Variants in DGKA observed in about 807,000 individuals in gnomAD.
DGKA encodes the protein 80 kDa diacylglycerol kinase.
DGKA carries 35 observed loss-of-function variants against 105.0 expected under a neutral mutation model. The observed-to-expected ratio is 0.33, with a 90% confidence interval of 0.25 to 0.44. The LOEUF is 0.44. Among genes scored for constraint, DGKA ranks in the 20% least tolerant of loss-of-function variants. DGKA has a pLI of 1.00. For missense variants in DGKA, 665 were observed against 915.0 expected (o/e 0.73, Z 3.53); for synonymous variants, 296 against 332.0 (o/e 0.89, Z 1.18).
At chr12:55,947,893 G>A (rs1292617466) in intron 17 of DGKA, among the ~76,000 whole-genome samples, 3 of 151,988 alleles carry the variant, frequency 2.0e-5, no homozygotes, top group African/African-American at 4.8e-5. Context: ...GGGTTCAAGC[G>A]ATTCTCGTGC....
Position 55,936,548 on chromosome 12 carries a change from G to A in DGKA, c.45G>A (p.Gln15=). ...RGLISPSDFA[Q]LQKYMEYSTK... ...TAATAAGCCCCAGTGATTTTGCCCA[G>A]CTGCAAAAATACATGGAATGTGAGT... Residue 15 remains glutamine (Q), a synonymous_variant, in exon 2 of 24, where the codon CAG becomes CAA. Transcript: ENST00000331886. 1.2e-6 allele frequency: 2 copies of A among 1,614,146 alleles called. No individual in the cohort carries two copies. Among genetic ancestry groups the A allele is most frequent in the Non-Finnish European group, 1.7e-6 (2 of 1,180,020 alleles).
At position 55,940,331 on chromosome 12, in the gene DGKA, G is replaced by C; in HGVS notation, c.816G>C (p.Trp272Cys). 1 of 1,614,228 alleles carries C rather than the reference G, an allele frequency of 6.2e-7. No individual in the cohort carries two copies. The highest frequency in any genetic ancestry group is 8.5e-7 in the Non-Finnish European group (1 of 1,180,036). The change falls in exon 11 of 24, where the codon TGG (tryptophan) becomes TGC (cysteine). Residue 272 changes from tryptophan (W) to cysteine (C), a missense_variant. Physicochemically the swap from Trp to Cys is radical, Grantham distance 215. Around this residue, in one of 3 missense-constraint regions of DGKA, gnomAD observed 504 missense variants for 681.2 expected, o/e 0.74. Transcript: ENST00000331886. The surrounding 1 kb of genome is among the most constrained non-coding windows in gnomAD (Gnocchi z 4.3). ...RKDIGVQSHV[W>C]VRGGCESGRC... Reference sequence around the variant, plus strand: ...TCCCCAAGGTCCAATCACATGTGTGGGTGCGAGGAGGCTGTGAGTCCGGGC... The same window carrying C: ...TCCCCAAGGTCCAATCACATGTGTGCGTGCGAGGAGGCTGTGAGTCCGGGC...
chr12:55,939,092 A>G, intron 7 of DGKA, 94 bp from the exon 8 acceptor site: 6 of 1,606,408 alleles, frequency 3.7e-6, no homozygotes, highest in Non-Finnish European at 5.1e-6. Context: ...TCCCTTGGCT[A>G]GGATGGCTGG....
At chr12:55,953,453 C>T (rs1888570782) in intron 23 of DGKA, 43 bp downstream of exon 23, 1 of 1,592,740 alleles carries the variant, frequency 6.3e-7, no homozygotes, top group Non-Finnish European at 8.6e-7. Flanking sequence ...CCCTTGGGCT[C>T]CATGGATCCT....
chr12:55,951,446 G>T (rs1354867748), intron 17 of DGKA, among the ~76,000 whole-genome samples, 177 bp from the exon 18 acceptor site: 1 of 152,132 alleles, frequency 6.6e-6, no homozygotes, highest in Non-Finnish European at 1.5e-5. Flanking sequence ...CCTCCACACA[G>T]CATGGAGGAA....
At chr12:55,949,861 A>G (rs190252563) in intron 17 of DGKA, among the ~76,000 whole-genome samples, 190 of 152,004 alleles carry the variant, frequency 1.2e-3, no homozygotes, top group Non-Finnish European at 2.0e-3. Context: ...TCTGCTGCTC[A>G]TGCTGGAGTA....
Position 55,953,994 on chromosome 12 carries a change from G to C in DGKA, c.*226G>C, listed in dbSNP as rs1332718812. On this transcript the variant is annotated 3_prime_UTR_variant, in exon 24 of 24. Transcript: ENST00000331886. Reference sequence around the variant, plus strand: ...TGAAAGTGCCTCATCTGAATAAAATGACTTGTGTTTCCCCTTTGGGATCTG... The same window carrying C: ...TGAAAGTGCCTCATCTGAATAAAATCACTTGTGTTTCCCCTTTGGGATCTG... The C allele has an allele frequency of 1.6e-6, 1 of 639,958 alleles. No individual in the cohort carries two copies. Among genetic ancestry groups the C allele is most frequent in the African/African-American group, 1.8e-5 (1 of 54,710 alleles). The allele number at this position is 639,958 out of a possible 1,614,324, so 39.6% of individuals were successfully genotyped here. A position where few individuals can be genotyped will look rare whatever the true frequency, so the allele number is the denominator to read the frequency against.
intron 5 of DGKA, 45 bp downstream of exon 5, chr12:55,938,097 A>G (rs1382595543): frequency 2.6e-6 from 4 of 1,541,182 alleles, no homozygotes; most frequent in Non-Finnish European, 3.6e-6. Context: ...GTGAAGGGAG[A>G]GAGAGGTGTT....
Position 55,940,781 on chromosome 12 carries a change from C to T in DGKA, c.1017+59C>T. 3 of 1,593,874 alleles carry T rather than the reference C, an allele frequency of 1.9e-6. No homozygotes were observed. Among genetic ancestry groups the T allele is most frequent in the Non-Finnish European group, 2.6e-6 (3 of 1,161,668 alleles). ...GAGTGCCTCCCCGATTTCCCACACG[C>T]ACAGAGTGGCATTTAGAATAGAGAG... On this transcript the variant is annotated intron_variant, in intron 12 of 23. Coordinates refer to ENST00000331886, the MANE Select transcript of DGKA (RefSeq NM_001345.5). The surrounding 1 kb of genome is among the most constrained non-coding windows in gnomAD (Gnocchi z 4.3).
At chr12:55,939,767 C>T (rs989334799) in intron 9 of DGKA, 3 of 594,316 alleles carry the variant, frequency 5.0e-6, no homozygotes, top group Non-Finnish European at 9.0e-6. Flanking sequence ...GGTGCATGCA[C>T]ATACTATAAA....
In DGKA at chr12:55,939,219, G is replaced by A; in HGVS notation, c.508G>A (p.Asp170Asn). 6.2e-7 allele frequency: 1 copy of A among 1,614,212 alleles called. No individual in the cohort carries two copies. Among genetic ancestry groups the A allele is most frequent in the Non-Finnish European group, 8.5e-7 (1 of 1,180,050 alleles). ...LQEMMKEIDYDGSGSVSQAEW... is the reference protein window; with the variant it reads ...LQEMMKEIDYNGSGSVSQAEW... ...GGAGATGATGAAAGAGATTGACTAT[G>A]ATGGCAGTGGCTCTGTCTCTCAAGC... Residue 170 changes from aspartate to asparagine, a missense_variant, in exon 8 of 24, where the codon GAT (aspartate) becomes AAT (asparagine). Physicochemically the swap from Asp to Asn is conservative, Grantham distance 23. Around this residue, in one of 3 missense-constraint regions of DGKA, gnomAD observed 504 missense variants for 681.2 expected, o/e 0.74. Coordinates refer to ENST00000331886, the MANE Select transcript of DGKA (RefSeq NM_001345.5).
chr12:55,941,048 A>T, intron 13 of DGKA, 68 bp downstream of exon 13: 1 of 1,537,410 alleles, frequency 6.5e-7, no homozygotes, highest in Non-Finnish European at 8.9e-7. Flanking sequence ...CATGGGTGGG[A>T]ATGAAGTGGG....
rs1888316195 is a variant in DGKA at position 55,952,265 on chromosome 12, C to T, written c.1653-76C>T. 6.5e-7 allele frequency: 1 copy of T among 1,533,130 alleles called. No homozygotes were observed. The highest frequency in any genetic ancestry group is 9.0e-7 in the Non-Finnish European group (1 of 1,106,612). 95.0% of individuals were successfully genotyped at this position (1,533,130 alleles called of 1,614,324 possible). On this transcript the variant is annotated intron_variant, in intron 19 of 23. Coordinates refer to ENST00000331886, the MANE Select transcript of DGKA (RefSeq NM_001345.5). The surrounding 1 kb of genome is among the most constrained non-coding windows in gnomAD (Gnocchi z 5.1). Reference sequence around the variant, plus strand: ...CTAAAGTTAGGAGGTTGATGCCCTTCCCTGTCACGTACCACCCCTGCCAGC... The same window carrying T: ...CTAAAGTTAGGAGGTTGATGCCCTTTCCTGTCACGTACCACCCCTGCCAGC...
At position 55,952,900 on chromosome 12, in the gene DGKA, C is replaced by T; in HGVS notation, c.1910C>T (p.Thr637Ile). ...TTAGGTGCTACAGCTAAAGTCATCA[C>T]CGACCCTGATATCCTGAAAACCTGT... is the stretch of plus-strand genomic sequence containing the variant. Reference protein sequence around the residue: ...QALGATAKVITDPDILKTCVP... With the variant: ...QALGATAKVIIDPDILKTCVP... Residue 637 changes from threonine to isoleucine, a missense_variant, in exon 21 of 24, where the codon ACC (threonine) becomes ATC (isoleucine). By Grantham distance (89) the Thr-to-Ile change is moderately conservative. Transcript: ENST00000331886. This position sits in a 1 kb window ranked among gnomAD's most constrained non-coding sequence, Gnocchi z 5.1. The T allele has an allele frequency of 6.2e-7, 1 of 1,614,180 alleles. No individual in the cohort carries two copies. Among genetic ancestry groups the T allele is most frequent in the South Asian group, 1.1e-5 (1 of 91,086 alleles).
In DGKA at chr12:55,952,123, T is replaced by A. The variant is rs1228453757; in HGVS notation, c.1652+24T>A. On this transcript the variant is annotated intron_variant, in intron 19 of 23. Coordinates refer to ENST00000331886, the MANE Select transcript of DGKA (RefSeq NM_001345.5). The surrounding 1 kb of genome is among the most constrained non-coding windows in gnomAD (Gnocchi z 5.1). ...AGGTTAGGGAAAGGAGGGGGCAGTG[T>A]GGGCATACACAGTGTCAGGAGCCAG... The A allele has an allele frequency of 6.2e-7, 1 of 1,613,732 alleles. No individual in the cohort carries two copies. The highest frequency in any genetic ancestry group is 8.5e-7 in the Non-Finnish European group (1 of 1,179,812).
Position 55,931,331 on chromosome 12 carries a change from G to C in DGKA, c.-95G>C, listed in dbSNP as rs992923160. On this transcript the variant is annotated 5_prime_UTR_variant, in exon 1 of 24. Coordinates refer to ENST00000331886, the MANE Select transcript of DGKA (RefSeq NM_001345.5). ...TTGGCCAGGGCCTTCTGTGCCACCT[G>C]CCAAGACCAGCAGGTAAAGTGGGAG... 1.4e-4 allele frequency: 21 copies of C among 152,310 alleles called. No individual in the cohort carries two copies. The highest frequency in any genetic ancestry group is 4.8e-4 in the African/African-American group (20 of 41,442). 9.4% of individuals were successfully genotyped at this position (152,310 alleles called of 1,614,324 possible).
At chr12:55,937,593 A>G (rs1158354631) in intron 4 of DGKA, 50 bp downstream of exon 4, 1 of 1,593,258 alleles carries the variant, frequency 6.3e-7, no homozygotes. Context: ...GAAAAATCAA[A>G]CTAGTATGGA....
At position 55,941,331 on chromosome 12, in the gene DGKA, G is replaced by A. The variant is rs746994499; in HGVS notation, c.1175+6G>A. ...GGCGGGAAGCAGGGGCAAAGGTGAG[G>A]AGAAATATATTGGGTCTTCTAAGAT... On this transcript the variant is annotated splice_donor_region_variant and intron_variant, in intron 14 of 23. Coordinates refer to ENST00000331886, the MANE Select transcript of DGKA (RefSeq NM_001345.5). 2.4e-5 allele frequency: 39 copies of A among 1,612,962 alleles called. No individual in the cohort carries two copies. Among genetic ancestry groups the A allele is most frequent in the Admixed American group, 1.0e-4 (6 of 59,920 alleles).
chr12:55,953,884 C>A lies in DGKA; in HGVS notation c.*116C>A. On this transcript the variant is annotated 3_prime_UTR_variant, in exon 24 of 24. Coordinates refer to ENST00000331886, the MANE Select transcript of DGKA (RefSeq NM_001345.5). The stretch of plus-strand genomic sequence containing the variant: ...CTCCTGCCAGCTTGGGGGAGTGTTC[C>A]TTCACCCTCACAGTATTTATTATCC... The A allele has an allele frequency of 1.1e-6, 1 of 877,216 alleles. No individual in the cohort carries two copies. The highest frequency in any genetic ancestry group is 2.6e-5 in the East Asian group (1 of 38,982). The allele number at this position is 877,216 out of a possible 1,614,324, so 54.3% of individuals were successfully genotyped here. A position where few individuals can be genotyped will look rare whatever the true frequency, so the allele number is the denominator to read the frequency against.
Sources: allele counts gnomAD v4.1 joint callset (sites outside exome capture counted in the v4.1 genomes callset), GRCh38; gene constraint gnomAD v4.1.1; regional missense constraint gnomAD v4.1.1; non-coding constraint Gnocchi (gnomAD v3.1); transcripts MANE v1.5; gene names NCBI Gene and HGNC (gene_info 2026-07-23, HGNC 2026-07-21).